The following KIAA2012 variants were observed in gnomAD, a reference collection of about 807,000 sequenced individuals.
The protein encoded by KIAA2012 is KIAA2012.
Under a neutral mutation model 150.6 loss-of-function variants are expected in KIAA2012, and 125 were observed. The observed-to-expected ratio is 0.83, with a 90% confidence interval of 0.72 to 0.96. KIAA2012 has a LOEUF of 0.96. Among genes scored for constraint, KIAA2012 ranks in the 40% least tolerant of loss-of-function variants. The pLI, the probability that KIAA2012 is intolerant of heterozygous loss-of-function variation, is 0.00. For missense variants in KIAA2012, 1,219 were observed against 1,354.9 expected (o/e 0.90, Z 1.57); for synonymous variants, 462 against 504.7 (o/e 0.92, Z 1.13).
Position 202,073,423 on chromosome 2 carries a change from T to C in KIAA2012, c.-205T>C, listed in dbSNP as rs1273103427. On this transcript the variant is annotated 5_prime_UTR_variant, in exon 1 of 24. Transcript: ENST00000498697. Reference sequence around the variant, plus strand: ...CTGGCTGTGCGGTTTATTTTTTCTCTCCACAAAGACACACACTGTCTAAAC... The same window carrying C: ...CTGGCTGTGCGGTTTATTTTTTCTCCCCACAAAGACACACACTGTCTAAAC... 3 of 499,680 alleles carry C rather than the reference T, an allele frequency of 6.0e-6. No individual in the cohort carries two copies. Among genetic ancestry groups the C allele is most frequent in the Non-Finnish European group, 7.1e-6 (2 of 279,826 alleles). The allele number at this position is 499,680 out of a possible 1,614,324, so 31.0% of individuals were successfully genotyped here.
intron 14 of KIAA2012, among the ~76,000 whole-genome samples, chr2:202,163,808 TCCTG>T (rs1559225396): frequency 1.7e-5 from 1 of 58,242 alleles, no homozygotes; most frequent in Non-Finnish European, 3.2e-5. Context: ...TTTTTTTTTT[TCCTG>T]TACCAGGCCA....
In KIAA2012 at chr2:202,080,289, A is replaced by G. The variant is rs1449034081; in HGVS notation, c.369+5114A>G. 2.0e-5 allele frequency among the ~76,000 whole-genome samples: 3 copies of G among 152,234 alleles called. No individual in the cohort carries two copies. The East Asian group carries it at 5.8e-4, about 29-fold the overall frequency. Reference sequence around the variant, plus strand: ...ATTTTTATTAAAATTAATTTGGATGATAAGTAGCATTTCTATAATAAGCTA... The same window carrying G: ...ATTTTTATTAAAATTAATTTGGATGGTAAGTAGCATTTCTATAATAAGCTA... On this transcript the variant is annotated intron_variant, in intron 2 of 23. Coordinates refer to ENST00000498697, the MANE Select transcript of KIAA2012 (RefSeq NM_001277372.4).
intron 17 of KIAA2012, 55 bp from the exon 18 acceptor site, chr2:202,188,097 A>AT: frequency 7.8e-6 from 11 of 1,406,130 alleles, no homozygotes; most frequent in South Asian, 1.3e-5. Context: ...TCTTTGATGG[A>AT]TTTTTTCATT....
At chr2:202,198,956 C>A (rs921970091) in intron 22 of KIAA2012, among the ~76,000 whole-genome samples, 2 of 152,206 alleles carry the variant, frequency 1.3e-5, no homozygotes, top group East Asian at 1.9e-4. Context: ...TTAGGAAAGC[C>A]CTGACTCCAT....
intron 12 of KIAA2012, chr2:202,138,202 T>C: frequency 3.0e-6 from 1 of 331,382 alleles, no homozygotes; most frequent in Non-Finnish European, 5.5e-6. Context: ...AAGAATAATA[T>C]ATGTTTGAAT....
intron 15 of KIAA2012, among the ~76,000 whole-genome samples, chr2:202,171,062 C>G (rs1429348267): frequency 6.6e-6 from 1 of 151,850 alleles, no homozygotes; most frequent in Admixed American, 6.6e-5. Flanking sequence ...GGTTCGCCCC[C>G]CACGGGAGAA....
At chr2:202,096,982 C>T (rs1043941858) in intron 4 of KIAA2012, among the ~76,000 whole-genome samples, 31 of 152,256 alleles carry the variant, frequency 2.0e-4, no homozygotes, top group African/African-American at 6.7e-4. Context: ...GGAGATAGCC[C>T]GGGAATCCCA....
chr2:202,165,340 TCAC>T lies in KIAA2012; in HGVS notation c.2107_2109del (p.His703del). On this transcript the variant is annotated inframe_deletion, in exon 15 of 24. Transcript: ENST00000498697. ...AAGCAGGGAGACCCCTCAGAGAAACTCACCACAACGACCAAGGTACAGACCACT... is the reference window on the plus strand; with the variant it reads ...AAGCAGGGAGACCCCTCAGAGAAACTCACAACGACCAAGGTACAGACCACT... 1 of 1,550,240 alleles carries T rather than the reference TCAC, an allele frequency of 6.5e-7. No individual in the cohort carries two copies. The highest frequency in any genetic ancestry group is 8.7e-7 in the Non-Finnish European group (1 of 1,146,774).
At chr2:202,090,688 T>C in intron 2 of KIAA2012, 82 bp from the exon 3 acceptor site, 2 of 1,395,392 alleles carry the variant, frequency 1.4e-6, no homozygotes, top group Non-Finnish European at 1.9e-6. Flanking sequence ...GGGTTACTGA[T>C]GAAGATTGTG....
intron 18 of KIAA2012, 105 bp downstream of exon 18, chr2:202,188,371 T>C (rs1458768845): frequency 1.4e-5 from 12 of 845,830 alleles, no homozygotes; most frequent in Non-Finnish European, 2.2e-5. Context: ...ACTCTCTGTT[T>C]TGAGACTTCT....
At chr2:202,186,900 T>A in intron 16 of KIAA2012, 33 bp from the exon 17 acceptor site, 1 of 1,538,626 alleles carries the variant, frequency 6.5e-7, no homozygotes, top group Non-Finnish European at 8.8e-7. Flanking sequence ...AGTTTTTCTT[T>A]AGTTTGGTCC....
chr2:202,187,550 AC>A (rs1052854999), intron 17 of KIAA2012, among the ~76,000 whole-genome samples: 36 of 152,180 alleles, frequency 2.4e-4, no homozygotes, highest in African/African-American at 8.4e-4. Flanking sequence ...CAAGTGATCC[AC>A]CTGCCTGAGC....
intron 15 of KIAA2012, among the ~76,000 whole-genome samples, chr2:202,171,086 G>A (rs1350093062): frequency 2.7e-5 from 4 of 149,798 alleles, no homozygotes; most frequent in African/African-American, 7.5e-5. Flanking sequence ...AGCAAGGTCC[G>A]GGGAAATAGA....
At chr2:202,201,397 C>G in intron 22 of KIAA2012, 1 of 1,588,482 alleles carries the variant, frequency 6.3e-7, no homozygotes, top group Non-Finnish European at 8.6e-7. Context: ...ATGGTGTAGC[C>G]ACCATCTGAT....
chr2:202,169,102 A>G (rs1460833248), intron 15 of KIAA2012, among the ~76,000 whole-genome samples: 3 of 152,156 alleles, frequency 2.0e-5, no homozygotes, highest in Non-Finnish European at 4.4e-5. Context: ...GTCTAATTCA[A>G]TTGCACAAAT....
At chr2:202,192,438 C>A (rs1692339101) in intron 19 of KIAA2012, among the ~76,000 whole-genome samples, 1 of 151,460 alleles carries the variant, frequency 6.6e-6, no homozygotes. Context: ...TAAGATTGCC[C>A]CTGGTAAAAT....
chr2:202,075,318 G>A lies in KIAA2012; in HGVS notation c.369+143G>A, dbSNP rs968892304. ...ATTTCTTCATCTCTAAAATGAGATT[G>A]ACTGTACTCTTAGCCCTATCTGCTG... On this transcript the variant is annotated intron_variant, in intron 2 of 23. Transcript: ENST00000498697. 7.3e-6 allele frequency: 7 copies of A among 962,506 alleles called. 1 individual carries two copies. In the Admixed American group the frequency reaches 1.5e-4, roughly 20 times the overall value. The allele number at this position is 962,506 out of a possible 1,614,324, so 59.6% of individuals were successfully genotyped here. A position where few individuals can be genotyped will look rare whatever the true frequency, so the allele number is the denominator to read the frequency against.
chr2:202,172,015 T>C (rs970877448), intron 15 of KIAA2012, among the ~76,000 whole-genome samples: 18 of 152,094 alleles, frequency 1.2e-4, no homozygotes, highest in Non-Finnish European at 2.4e-4. Context: ...CCCTGCTAAT[T>C]TTTGTATTTT....
chr2:202,107,987 C>A (rs920924961), intron 9 of KIAA2012, among the ~76,000 whole-genome samples: 2 of 152,172 alleles, frequency 1.3e-5, no homozygotes, highest in East Asian at 1.9e-4. Flanking sequence ...CCAGCCTGGG[C>A]GACAGAGAGA....
Sources: allele counts gnomAD v4.1 joint callset (sites outside exome capture counted in the v4.1 genomes callset), GRCh38; gene constraint gnomAD v4.1.1; transcripts MANE v1.5; gene names NCBI Gene and HGNC (gene_info 2026-07-23, HGNC 2026-07-21).